Variants in TMEM131 observed in about 807,000 individuals in gnomAD.
TMEM131 encodes the protein 2610524E03Rik.
A neutral mutation model predicts 211.6 loss-of-function variants in TMEM131; 66 were observed. The ratio of observed to expected loss-of-function variants is 0.31; its 90% CI spans 0.26 to 0.38. TMEM131 has a LOEUF of 0.38. Among genes scored for constraint, TMEM131 ranks in the 10% least tolerant of loss-of-function variants. TMEM131 has a pLI of 1.00. For missense variants in TMEM131, 2,036 were observed against 2,299.3 expected (o/e 0.89, Z 2.34); for synonymous variants, 844 against 841.3 (o/e 1.00, Z -0.06).
intron 7 of TMEM131, among the ~76,000 whole-genome samples, chr2:97,840,009 C>T (rs1488681371): frequency 6.6e-6 from 1 of 152,186 alleles, no homozygotes; most frequent in Non-Finnish European, 1.5e-5. Context: ...AAACGATATA[C>T]ATTTTCTCGC....
chr2:97,849,911 A>G (rs1673541348), intron 5 of TMEM131, among the ~76,000 whole-genome samples: 1 of 151,976 alleles, frequency 6.6e-6, no homozygotes, highest in South Asian at 2.1e-4. Flanking sequence ...ACTTTAAAAC[A>G]ACAAAATCTT....
chr2:97,922,515 A>G (rs572821533), intron 2 of TMEM131, among the ~76,000 whole-genome samples: 16 of 152,224 alleles, frequency 1.1e-4, no homozygotes, highest in Non-Finnish European at 2.1e-4. Flanking sequence ...GCATATCCAT[A>G]CAATGCAACA....
Position 97,759,719 on chromosome 2 carries a change from T to G in TMEM131, c.5139A>C (p.Pro1713=), listed in dbSNP as rs1025430504. 1.2e-6 allele frequency: 2 copies of G among 1,613,574 alleles called. No individual in the cohort carries two copies. The highest frequency in any genetic ancestry group is 3.3e-5 in the Admixed American group (2 of 59,966). The change falls in exon 39 of 41, where the codon CCA becomes CCC. Residue 1713 remains proline (P), a synonymous_variant. Transcript: ENST00000186436. ...SSGLWSPVSN[P]SSPDFTPLNS... ...TGAGGGGAGTGAAGTCAGGGCTGCT[T>G]GGGTTGCTGACGGGACTCCACAAAC...
chr2:97,895,148 G>A (rs10175129), intron 3 of TMEM131, among the ~76,000 whole-genome samples: 52,448 of 152,048 alleles, frequency 0.34, 9,952 homozygotes, highest in Middle Eastern at 0.48. Context: ...TTTGTCGTTG[G>A]TTCTGTTTAT....
chr2:97,789,547 C>A (rs1437112304), intron 31 of TMEM131, among the ~76,000 whole-genome samples: 1 of 152,208 alleles, frequency 6.6e-6, no homozygotes, highest in Non-Finnish European at 1.5e-5. Flanking sequence ...AGTAAGGGAG[C>A]GGAGTCAAGA....
chr2:97,920,287 G>C (rs1250148552), intron 2 of TMEM131, among the ~76,000 whole-genome samples: 2 of 152,082 alleles, frequency 1.3e-5, no homozygotes, highest in East Asian at 1.9e-4. Flanking sequence ...TGTGATAAAG[G>C]CTATCTTGGG....
At chr2:97,837,054 G>A (rs746980564) in intron 8 of TMEM131, 23 bp downstream of exon 8, 1 of 1,602,992 alleles carries the variant, frequency 6.2e-7, no homozygotes, top group East Asian at 2.2e-5. Flanking sequence ...GCACACACAA[G>A]AGAAAACTAG....
intron 2 of TMEM131, among the ~76,000 whole-genome samples, chr2:97,924,475 C>A (rs1676894234): frequency 6.6e-6 from 1 of 152,158 alleles, no homozygotes; most frequent in African/African-American, 2.4e-5. Flanking sequence ...CATGGGGGTC[C>A]ACTGGCCCTG....
chr2:97,895,086 GTTGAATT>G (rs1224827532), intron 3 of TMEM131, among the ~76,000 whole-genome samples: 1 of 152,210 alleles, frequency 6.6e-6, no homozygotes, highest in African/African-American at 2.4e-5. Context: ...ATGAAGGGGT[GTTGAATT>G]TTGTCGAAGG....
intron 2 of TMEM131, among the ~76,000 whole-genome samples, chr2:97,925,180 A>AT (rs955114453): frequency 7.2e-5 from 11 of 151,936 alleles, no homozygotes; most frequent in East Asian, 1.9e-4. Flanking sequence ...CCCTGCCTCT[A>AT]TTTTTTTTAA....
chr2:97,857,361 T>C (rs1673890300), intron 5 of TMEM131, among the ~76,000 whole-genome samples: 1 of 152,330 alleles, frequency 6.6e-6, no homozygotes, highest in East Asian at 1.9e-4. Context: ...CCCTCATTTA[T>C]ATTGTTTACC....
chr2:97,786,786 C>T (rs1035229756), intron 31 of TMEM131, among the ~76,000 whole-genome samples: 1 of 152,086 alleles, frequency 6.6e-6, no homozygotes, highest in Non-Finnish European at 1.5e-5. Flanking sequence ...GACGGGGGGC[C>T]GACAGAAAGG....
chr2:97,823,685 G>A (rs1682235625), intron 11 of TMEM131, among the ~76,000 whole-genome samples: 1 of 152,134 alleles, frequency 6.6e-6, no homozygotes, highest in Admixed American at 6.5e-5. Context: ...TGTTCTGGAA[G>A]GACTAAGAAG....
At chr2:97,965,202 G>C (rs890560585) in intron 1 of TMEM131, among the ~76,000 whole-genome samples, 5 of 152,106 alleles carry the variant, frequency 3.3e-5, no homozygotes, top group African/African-American at 7.2e-5. Context: ...TTAGACACAC[G>C]CCTTTGCTTG....
intron 5 of TMEM131, among the ~76,000 whole-genome samples, chr2:97,853,432 TAA>T (rs55752619): frequency 0.02 from 1,828 of 90,396 alleles, 48 homozygotes; most frequent in African/African-American, 0.073. Flanking sequence ...CCATCTCTAC[TAA>T]AAAAAAAAAA....
chr2:97,758,171 G>A (rs1185757609), intron 40 of TMEM131, among the ~76,000 whole-genome samples: 2 of 151,140 alleles, frequency 1.3e-5, no homozygotes, highest in Non-Finnish European at 1.5e-5. Context: ...CTCTTTTAAA[G>A]AATGGTTAAG....
At position 97,792,438 on chromosome 2, in the gene TMEM131, T is replaced by C; in HGVS notation, c.4092A>G (p.Pro1364=). Residue 1364 remains proline, a synonymous_variant, in exon 31 of 41, where the codon CCA becomes CCG. Coordinates refer to ENST00000186436, the MANE Select transcript of TMEM131 (RefSeq NM_015348.2). ...GCTGCTCTGTAAACACTTCTAGGGCTGGGGAGTCATGGTGGTCGAAGTCTT... is the reference window on the plus strand; with the variant it reads ...GCTGCTCTGTAAACACTTCTAGGGCCGGGGAGTCATGGTGGTCGAAGTCTT... ...MDKDFDHHDS[P]ALEVFTEQPP... 6.2e-7 allele frequency: 1 copy of C among 1,612,680 alleles called. No homozygotes were observed. Among genetic ancestry groups the C allele is most frequent in the Admixed American group, 1.7e-5 (1 of 59,850 alleles).
At chr2:97,823,071 T>C (rs1377053506) in intron 11 of TMEM131, among the ~76,000 whole-genome samples, 1 of 152,134 alleles carries the variant, frequency 6.6e-6, no homozygotes, top group African/African-American at 2.4e-5. Flanking sequence ...AAGCTTTCTT[T>C]TCATTGACGG....
intron 11 of TMEM131, among the ~76,000 whole-genome samples, chr2:97,831,248 T>A (rs765821785): frequency 2.0e-5 from 3 of 152,228 alleles, no homozygotes; most frequent in Non-Finnish European, 4.4e-5. Flanking sequence ...CACTCTCGTT[T>A]AAAATCCTGT....
Sources: allele counts gnomAD v4.1 joint callset (sites outside exome capture counted in the v4.1 genomes callset), GRCh38; gene constraint gnomAD v4.1.1; transcripts MANE v1.5; gene names NCBI Gene and HGNC (gene_info 2026-07-23, HGNC 2026-07-21).